The following CREBL2 variants were observed in gnomAD, a reference collection of about 807,000 sequenced individuals.
CREBL2 encodes the protein cAMP-responsive element-binding protein-like 2.
CREBL2 carries 4 observed loss-of-function variants against 19.5 expected under a neutral mutation model. The observed-to-expected ratio is 0.20, with a 90% CI of 0.10 to 0.47. The LOEUF (loss-of-function observed/expected upper bound fraction) is 0.47, where lower values mean the gene tolerates loss of function less well. CREBL2 is among the 20% of genes least tolerant of loss of function. The probability of loss-of-function intolerance (pLI) is 0.98; values close to 1 mark genes in which losing one functional copy is unlikely to be tolerated. For missense variants in CREBL2, 85 were observed against 145.1 expected, an observed-to-expected ratio of 0.59 and a Z score of 2.13; for synonymous variants, 42 against 46.6, an observed-to-expected ratio of 0.90 and a Z score of 0.40.
At chr12:12,637,442 C>T (rs756454531) in intron 2 of CREBL2, 128 bp from the exon 3 acceptor site, 22 of 465,852 alleles carry the variant, frequency 4.7e-5, no homozygotes, top group East Asian at 9.7e-5. Flanking sequence ...CAGCAGCGAA[C>T]GTGACCTCTA....
At chr12:12,613,523 TCTCTTC>T (rs2136297479) in intron 1 of CREBL2, among the ~76,000 whole-genome samples, 1 of 152,324 alleles carries the variant, frequency 6.6e-6, no homozygotes, top group East Asian at 1.9e-4. Context: ...CTTCTTGTTT[TCTCTTC>T]CTCTTCATGT....
chr12:12,623,552 AGAAATGCAGGG>A (rs1945377826), intron 1 of CREBL2, among the ~76,000 whole-genome samples: 1 of 152,178 alleles, frequency 6.6e-6, no homozygotes, highest in South Asian at 2.1e-4. Context: ...AGGTATAGTT[AGAAATGCAGGG>A]GATGGGGTTC....
At position 12,638,782 on chromosome 12, in the gene CREBL2, A is replaced by C. The variant is rs141678905; in HGVS notation, c.358+1068A>C. On this transcript the variant is annotated intron_variant, in intron 3 of 3. Coordinates refer to ENST00000228865, the MANE Select transcript of CREBL2 (RefSeq NM_001310.4). Reference sequence around the variant, plus strand: ...GGTAGAACCTGTCCTCACCTAATCCAGGCTGTCTAGTGCAGTAGCCCATCA... The same window carrying C: ...GGTAGAACCTGTCCTCACCTAATCCCGGCTGTCTAGTGCAGTAGCCCATCA... Among the ~76,000 whole-genome samples the C allele has an allele frequency of 1.3e-3, 191 of 152,336 alleles. 7 individuals are homozygous for C. In the East Asian group the frequency reaches 0.035, roughly 28 times the overall value.
Position 12,611,927 on chromosome 12 carries a change from G to A in CREBL2, c.-246G>A, listed in dbSNP as rs960676779. On this transcript the variant is annotated 5_prime_UTR_variant, in exon 1 of 4. Coordinates refer to ENST00000228865, the MANE Select transcript of CREBL2 (RefSeq NM_001310.4). ...GTAAACACCCAGAGACTGTCATGGA[G>A]GGGGAGGAGGAGGCGGCGGCGGCGA... 3 of 579,866 alleles carry A rather than the reference G, an allele frequency of 5.2e-6. No homozygotes were observed. Among genetic ancestry groups the A allele is most frequent in the Middle Eastern group, 4.6e-4 (1 of 2,194 alleles). 35.9% of individuals were successfully genotyped at this position (579,866 alleles called of 1,614,324 possible).
At position 12,642,530 on chromosome 12, in the gene CREBL2, C is replaced by T. The variant is rs762043932; in HGVS notation, c.*532C>T. ...TTATTCTCTGCATGAACCATGATTT[C>T]TCCTGTGAGCCATTCCAGCATAAGC... On this transcript the variant is annotated 3_prime_UTR_variant, in exon 4 of 4. Transcript: ENST00000228865. The T allele has an allele frequency of 6.5e-6, 1 of 152,676 alleles. No individual in the cohort carries two copies. Among genetic ancestry groups the T allele is most frequent in the African/African-American group, 2.4e-5 (1 of 41,456 alleles). 9.5% of individuals were successfully genotyped at this position (152,676 alleles called of 1,614,324 possible). A position where few individuals can be genotyped will look rare whatever the true frequency, so the allele number is the denominator to read the frequency against.
At chr12:12,618,068 G>A (rs745832695) in intron 1 of CREBL2, among the ~76,000 whole-genome samples, 2 of 152,162 alleles carry the variant, frequency 1.3e-5, no homozygotes, top group African/African-American at 2.4e-5. Context: ...TGTCTACTTC[G>A]TTCTACACAG....
chr12:12,640,282 A>G (rs1452244847), intron 3 of CREBL2, among the ~76,000 whole-genome samples: 1 of 152,160 alleles, frequency 6.6e-6, no homozygotes. Context: ...TCCCCCCAGG[A>G]ACACATTCCT....
chr12:12,634,299 C>T (rs747316166), intron 1 of CREBL2, among the ~76,000 whole-genome samples: 2 of 152,152 alleles, frequency 1.3e-5, no homozygotes, highest in Non-Finnish European at 2.9e-5. Flanking sequence ...GGGAAGGTTT[C>T]AAAGCTAAAC....
intron 3 of CREBL2, among the ~76,000 whole-genome samples, chr12:12,640,425 C>T (rs909111308): frequency 6.6e-6 from 1 of 152,146 alleles, no homozygotes; most frequent in Non-Finnish European, 1.5e-5. Context: ...AGCAGGCAGT[C>T]AGATCTTATG....
rs1289143359 is a variant in CREBL2, at chr12:12,644,223, C to G, written c.*2225C>G. ...ATTTATTTGGTGTTTTGGAGGAGAT[C>G]ACACACTAAGAGAACGTTGATTGCC... On this transcript the variant is annotated 3_prime_UTR_variant, in exon 4 of 4. Transcript: ENST00000228865. The G allele has an allele frequency of 6.6e-6, 1 of 152,164 alleles. No homozygotes were observed. Among genetic ancestry groups the G allele is most frequent in the East Asian group, 1.9e-4 (1 of 5,198 alleles). 9.4% of individuals were successfully genotyped at this position (152,164 alleles called of 1,614,324 possible).
chr12:12,636,048 T>G, intron 2 of CREBL2, 74 bp downstream of exon 2: 1 of 1,350,342 alleles, frequency 7.4e-7, no homozygotes, highest in Non-Finnish European at 1.0e-6. Flanking sequence ...AATACGAAAA[T>G]ACCAGTTATC....
intron 1 of CREBL2, among the ~76,000 whole-genome samples, chr12:12,618,207 G>A (rs1363922019): frequency 2.0e-5 from 3 of 150,414 alleles, no homozygotes; most frequent in South Asian, 2.1e-4. Context: ...GGCGGCTGCC[G>A]GGCGGAGACG....
chr12:12,621,189 A>G (rs754495469), intron 1 of CREBL2, among the ~76,000 whole-genome samples: 4 of 152,200 alleles, frequency 2.6e-5, no homozygotes, highest in Non-Finnish European at 4.4e-5. Flanking sequence ...GCAGAATATA[A>G]TGAATGGGCA....
intron 1 of CREBL2, among the ~76,000 whole-genome samples, chr12:12,627,900 T>C (rs1361156576): frequency 6.6e-6 from 1 of 152,216 alleles, no homozygotes; most frequent in Non-Finnish European, 1.5e-5. Flanking sequence ...TTGTCTTTTT[T>C]TTTGAGACGG....
chr12:12,640,939 A>T (rs1016111544), intron 3 of CREBL2, among the ~76,000 whole-genome samples: 2 of 152,138 alleles, frequency 1.3e-5, no homozygotes, highest in Admixed American at 6.5e-5. Flanking sequence ...TGTCATATCT[A>T]AGACTCCATT....
chr12:12,628,417 A>G (rs1052631840), intron 1 of CREBL2, among the ~76,000 whole-genome samples: 14 of 152,140 alleles, frequency 9.2e-5, no homozygotes, highest in Non-Finnish European at 1.6e-4. Context: ...CAAGTCCCTT[A>G]TCATATTTGT....
chr12:12,635,263 G>T lies in CREBL2; in HGVS notation c.16-514G>T, dbSNP rs565315733. Among the ~76,000 whole-genome samples the T allele has an allele frequency of 3.3e-5, 5 of 152,050 alleles. No individual in the cohort carries two copies. The South Asian group carries it at 1.0e-3, about 32-fold the overall frequency. On this transcript the variant is annotated intron_variant, in intron 1 of 3. Transcript: ENST00000228865. ...TCATGCCTATAGTTACAGCGACACG[G>T]GAGGCTGAAGTGGAAGGATCACCTG...
intron 1 of CREBL2, among the ~76,000 whole-genome samples, chr12:12,624,795 T>G (rs531377613): frequency 2.4e-4 from 36 of 152,358 alleles, no homozygotes; most frequent in Non-Finnish European, 5.9e-5. Context: ...TGTGACAGCC[T>G]TTTGTATCTG....
At chr12:12,629,782 C>G (rs566649717) in intron 1 of CREBL2, among the ~76,000 whole-genome samples, 18 of 152,146 alleles carry the variant, frequency 1.2e-4, no homozygotes, top group African/African-American at 3.4e-4. Flanking sequence ...AAGTTTCCTC[C>G]TATTTCTAGG....
Sources: gnomAD v4.1 joint callset for allele counts (sites outside exome capture counted in the v4.1 genomes callset) on GRCh38, gnomAD v4.1.1 for gene constraint, MANE v1.5 for transcripts, NCBI Gene and HGNC (gene_info 2026-07-23, HGNC 2026-07-21) for gene names.